CAMTA1: variants seen among roughly 807,000 people sequenced by gnomAD.
CAMTA1 encodes the protein calmodulin-binding transcription activator 1.
CAMTA1 carries 27 observed loss-of-function variants against 170.9 expected under a neutral mutation model. The ratio of observed to expected loss-of-function variants is 0.16; its 90% CI spans 0.12 to 0.22. The LOEUF is 0.22. Among genes scored for constraint, CAMTA1 ranks in the 10% least tolerant of loss-of-function variants. CAMTA1 has a pLI of 1.00. For missense variants in CAMTA1, 1,619 were observed against 2,217.2 expected (o/e 0.73, Z 5.42); for synonymous variants, 833 against 891.5 (o/e 0.93, Z 1.17).
intron 4 of CAMTA1, among the ~76,000 whole-genome samples, chr1:7,186,470 G>C (rs1653291936): frequency 6.6e-6 from 1 of 152,140 alleles, no homozygotes; most frequent in Admixed American, 6.5e-5. Flanking sequence ...TGTGATGCTG[G>C]CTCTGAGTTG....
At chr1:7,728,025 G>A (rs1478395525) in intron 11 of CAMTA1, among the ~76,000 whole-genome samples, 1 of 152,254 alleles carries the variant, frequency 6.6e-6, no homozygotes, top group African/African-American at 2.4e-5. Flanking sequence ...GAGGCTCAGA[G>A]ATGCCGTTAT....
chr1:7,427,411 C>T (rs1325295258), intron 5 of CAMTA1, among the ~76,000 whole-genome samples: 2 of 152,148 alleles, frequency 1.3e-5, no homozygotes, highest in Non-Finnish European at 2.9e-5. Flanking sequence ...TTCAAAAAGA[C>T]CTCCTCAGAC....
chr1:6,962,644 C>G (rs1225857904), intron 3 of CAMTA1, among the ~76,000 whole-genome samples: 1 of 122,910 alleles, frequency 8.1e-6, no homozygotes, highest in Non-Finnish European at 1.7e-5. Flanking sequence ...CCCCTCTTTC[C>G]TCTGTGGACC....
At chr1:7,179,333 T>G (rs1651615359) in intron 4 of CAMTA1, among the ~76,000 whole-genome samples, 1 of 152,070 alleles carries the variant, frequency 6.6e-6, no homozygotes, top group Non-Finnish European at 1.5e-5. Flanking sequence ...AAATTTAACA[T>G]ACCACATTCA....
At chr1:6,872,004 T>C (rs982894834) in intron 3 of CAMTA1, 9 of 1,192,264 alleles carry the variant, frequency 7.5e-6, no homozygotes, top group East Asian at 3.4e-5. Flanking sequence ...TAAAATTCAT[T>C]TCAGTTTTAA....
intron 3 of CAMTA1, among the ~76,000 whole-genome samples, chr1:7,082,103 G>A (rs183523851): frequency 8.3e-4 from 126 of 152,200 alleles, no homozygotes; most frequent in African/African-American, 2.9e-3. Flanking sequence ...TCCAATCAGC[G>A]GCCTCTTCTC....
chr1:7,544,921 A>G (rs1408357281), intron 6 of CAMTA1, among the ~76,000 whole-genome samples: 1 of 152,176 alleles, frequency 6.6e-6, no homozygotes, highest in East Asian at 1.9e-4. Context: ...TCGGGAGAGA[A>G]CTAATCTGTT....
At position 7,320,438 on chromosome 1, in the gene CAMTA1, C is replaced by T. The variant is rs533376004; in HGVS notation, c.438+70812C>T. ...GTATCTGAGGCTGTAATAATCCACT[C>T]TAGGAAAGACATCTGGCTGGTGGGT... On this transcript the variant is annotated intron_variant, in intron 5 of 22. Coordinates refer to ENST00000303635, the MANE Select transcript of CAMTA1 (RefSeq NM_015215.4). Among the ~76,000 whole-genome samples the T allele has an allele frequency of 3.9e-5, 6 of 152,270 alleles. No individual in the cohort carries two copies. The East Asian group carries it at 1.2e-3, about 29-fold the overall frequency.
At chr1:7,134,358 A>G (rs1470172005) in intron 4 of CAMTA1, among the ~76,000 whole-genome samples, 2 of 152,096 alleles carry the variant, frequency 1.3e-5, no homozygotes, top group African/African-American at 4.8e-5. Context: ...GCAGTGGTGC[A>G]ATCATGGCTC....
chr1:6,935,312 G>C (rs1295011451), intron 3 of CAMTA1, among the ~76,000 whole-genome samples: 2 of 152,060 alleles, frequency 1.3e-5, no homozygotes, highest in Non-Finnish European at 2.9e-5. Flanking sequence ...TTCTTCCCAG[G>C]AGATTTCACG....
rs186481880 is a variant in CAMTA1 at position 7,734,582 on chromosome 1, C to T, written c.3067-1762C>T. Among the ~76,000 whole-genome samples, 13 of 152,108 alleles carry T rather than the reference C, an allele frequency of 8.5e-5. No homozygotes were observed. In the East Asian group the frequency reaches 2.3e-3, roughly 27 times the overall value. On this transcript the variant is annotated intron_variant, in intron 12 of 22. Coordinates refer to ENST00000303635, the MANE Select transcript of CAMTA1 (RefSeq NM_015215.4). Reference sequence around the variant, plus strand: ...CCCTTTTCGTTCACTCTGGCCATTTCCATGTGCTCATGAATGTGTCTTGTG... The same window carrying T: ...CCCTTTTCGTTCACTCTGGCCATTTTCATGTGCTCATGAATGTGTCTTGTG...
chr1:7,572,745 A>G (rs1198580187), intron 6 of CAMTA1, among the ~76,000 whole-genome samples: 3 of 152,188 alleles, frequency 2.0e-5, no homozygotes, highest in Non-Finnish European at 4.4e-5. Context: ...GGGGTTTAGG[A>G]TTTCAACATA....
At chr1:7,628,509 G>A (rs538636641) in intron 6 of CAMTA1, among the ~76,000 whole-genome samples, 34 of 152,364 alleles carry the variant, frequency 2.2e-4, no homozygotes, top group South Asian at 1.7e-3. Flanking sequence ...CCACGTGGCC[G>A]TGAGCAGATC....
In CAMTA1 at chr1:6,829,746, G is replaced by A. The variant is rs1037954224; in HGVS notation, c.234+4536G>A. ...TGGGGGACGGGGGAGTTCAGCCGCT[G>A]CAGCCCGACTTTGAGTCCCATAATC... On this transcript the variant is annotated intron_variant, in intron 3 of 22. Coordinates refer to ENST00000303635, the MANE Select transcript of CAMTA1 (RefSeq NM_015215.4). Among the ~76,000 whole-genome samples the A allele has an allele frequency of 3.9e-5, 6 of 152,350 alleles. 1 individual carries two copies. In the South Asian group the frequency reaches 1.2e-3, roughly 32 times the overall value.
intron 4 of CAMTA1, among the ~76,000 whole-genome samples, chr1:7,196,231 G>A (rs1390164182): frequency 6.6e-6 from 1 of 151,916 alleles, no homozygotes; most frequent in Non-Finnish European, 1.5e-5. Context: ...ACTCCACCTG[G>A]TAAGACGTGC....
chr1:7,345,382 A>C (rs2149838954), intron 5 of CAMTA1, among the ~76,000 whole-genome samples: 1 of 146,052 alleles, frequency 6.8e-6, no homozygotes, highest in South Asian at 2.1e-4. Context: ...ATCTATCTGG[A>C]GTTGATTTCA....
intron 5 of CAMTA1, among the ~76,000 whole-genome samples, chr1:7,276,293 A>ATTTTTTTTTTTTT (rs1372402055): frequency 4.5e-5 from 1 of 22,058 alleles, no homozygotes; most frequent in Non-Finnish European, 6.7e-5. Context: ...ATATATATAT[A>ATTTTTTTTTTTTT]TATATATATA....
chr1:6,955,242 C>T (rs1481747775), intron 3 of CAMTA1, among the ~76,000 whole-genome samples: 3 of 152,102 alleles, frequency 2.0e-5, no homozygotes, highest in South Asian at 2.1e-4. Flanking sequence ...ACGATAGTGA[C>T]GGTGATGATG....
In CAMTA1 at chr1:7,463,400, G is replaced by T. The variant is rs572273620; in HGVS notation, c.439-4430G>T. Among the ~76,000 whole-genome samples the T allele has an allele frequency of 1.1e-4, 16 of 150,652 alleles. No individual in the cohort carries two copies. The South Asian group carries it at 3.5e-3, about 33-fold the overall frequency. ...AGCAGGAGAGACAGAGACAGATACA[G>T]AAACGGAGAGAGAAATAAAGACAGA... On this transcript the variant is annotated intron_variant, in intron 5 of 22. Coordinates refer to ENST00000303635, the MANE Select transcript of CAMTA1 (RefSeq NM_015215.4). The surrounding 1 kb of genome is among the most constrained non-coding windows in gnomAD (Gnocchi z 4.7).
Sources: gnomAD v4.1 joint callset for allele counts (sites outside exome capture counted in the v4.1 genomes callset) on GRCh38, gnomAD v4.1.1 for gene constraint, Gnocchi (gnomAD v3.1) non-coding constraint, MANE v1.5 for transcripts, NCBI Gene and HGNC (gene_info 2026-07-23, HGNC 2026-07-21) for gene names.